TRHDE: variants seen among roughly 807,000 people sequenced by gnomAD.
TRHDE encodes the protein thyrotropin releasing hormone degrading enzyme.
In TRHDE, 72 loss-of-function variants were observed where a neutral mutation model predicts 125.7. That is an observed-to-expected ratio of 0.57 (90% confidence interval 0.47 to 0.70). The LOEUF is 0.70. Among genes scored for constraint, TRHDE ranks in the 30% least tolerant of loss-of-function variants. The pLI, the probability that TRHDE is intolerant of heterozygous loss-of-function variation, is 0.00. For synonymous variants in TRHDE, 509 were observed against 509.1 expected (o/e 1.00, Z 0.00); for missense variants, 1,110 against 1,327.1 (o/e 0.84, Z 2.54).
intron 2 of TRHDE, among the ~76,000 whole-genome samples, chr12:72,134,411 T>G (rs563427956): frequency 6.6e-6 from 1 of 152,244 alleles, no homozygotes; most frequent in East Asian, 1.9e-4. Flanking sequence ...AAGAATGAGA[T>G]ACATGGAAAA....
At chr12:72,317,129 A>G (rs1868841317) in intron 2 of TRHDE, among the ~76,000 whole-genome samples, 1 of 152,148 alleles carries the variant, frequency 6.6e-6, no homozygotes, top group African/African-American at 2.4e-5. Flanking sequence ...ACAGTCTTAG[A>G]AAGTTAAAAT....
intron 15 of TRHDE, among the ~76,000 whole-genome samples, chr12:72,635,785 T>G (rs1422201097): frequency 6.6e-6 from 1 of 152,134 alleles, no homozygotes; most frequent in Non-Finnish European, 1.5e-5. Flanking sequence ...CTTGTTTTTC[T>G]CAGGTTTGTC....
At chr12:72,163,974 G>T (rs1354573452) in intron 2 of TRHDE, among the ~76,000 whole-genome samples, 1 of 152,096 alleles carries the variant, frequency 6.6e-6, no homozygotes, top group African/African-American at 2.4e-5. Flanking sequence ...AGCTGGGTGT[G>T]GTGGCACATA....
At chr12:72,598,770 TTTGTTAAATGAGTATG>T (rs1399732332) in intron 12 of TRHDE, among the ~76,000 whole-genome samples, 2 of 152,118 alleles carry the variant, frequency 1.3e-5, no homozygotes, top group East Asian at 3.9e-4. Flanking sequence ...CATGTGCAGT[TTTGTTAAATGAGTATG>T]TTGTGTGATG....
chr12:72,215,033 C>G (rs946265510), intron 2 of TRHDE, among the ~76,000 whole-genome samples: 3 of 152,068 alleles, frequency 2.0e-5, no homozygotes, highest in Non-Finnish European at 4.4e-5. Flanking sequence ...GAAGAGACCA[C>G]GAAACAGGCT....
intron 5 of TRHDE, among the ~76,000 whole-genome samples, chr12:72,496,814 T>C (rs1046549170): frequency 1.3e-5 from 2 of 152,110 alleles, no homozygotes; most frequent in Admixed American, 1.3e-4. Context: ...CTTGCTGATA[T>C]TGTTGATTTT....
chr12:72,244,739 C>T (rs73135500), intron 2 of TRHDE, among the ~76,000 whole-genome samples: 10,392 of 151,830 alleles, frequency 0.068, 445 homozygotes, highest in Admixed American at 0.11. Context: ...ACATTAAAAT[C>T]AAATTCTTTG....
chr12:72,219,295 G>T (rs1877957461), intron 2 of TRHDE, among the ~76,000 whole-genome samples: 1 of 151,984 alleles, frequency 6.6e-6, no homozygotes, highest in Non-Finnish European at 1.5e-5. Context: ...ATAGCTGCTT[G>T]AAGTTTTGGA....
intron 2 of TRHDE, among the ~76,000 whole-genome samples, chr12:72,247,317 A>G (rs572800490): frequency 1.4e-4 from 21 of 152,308 alleles, no homozygotes; most frequent in Non-Finnish European, 2.1e-4. Flanking sequence ...GGTTTAATCC[A>G]TGGATGTGGA....
chr12:72,581,564 G>A (rs962813107), intron 12 of TRHDE, among the ~76,000 whole-genome samples: 4 of 152,024 alleles, frequency 2.6e-5, no homozygotes, highest in Admixed American at 6.6e-5. Context: ...TGCAAAACAC[G>A]TGCATATCTA....
chr12:72,603,759 C>CA (rs1168313539), intron 12 of TRHDE, among the ~76,000 whole-genome samples: 48 of 144,104 alleles, frequency 3.3e-4, no homozygotes, highest in African/African-American at 1.3e-4. Flanking sequence ...AAAACAACAA[C>CA]AACAACAAAA....
chr12:72,185,448 G>A (rs1877186407), intron 2 of TRHDE, among the ~76,000 whole-genome samples: 1 of 152,272 alleles, frequency 6.6e-6, no homozygotes, highest in African/African-American at 2.4e-5. Flanking sequence ...GCGCAGGACT[G>A]GCAGGCAGCT....
intron 2 of TRHDE, chr12:72,163,231 C>G (rs533640028): frequency 6.6e-6 from 1 of 152,316 alleles, no homozygotes; most frequent in South Asian, 2.1e-4. Context: ...TATGCATACC[C>G]TTGAACCTTA....
intron 2 of TRHDE, among the ~76,000 whole-genome samples, chr12:72,196,302 A>G (rs1592479084): frequency 6.6e-6 from 1 of 152,234 alleles, no homozygotes; most frequent in South Asian, 2.1e-4. Flanking sequence ...GAACTTGTAG[A>G]TTATTTTGGG....
At position 72,619,054 on chromosome 12, in the gene TRHDE, TTTTC is replaced by T. The variant is rs777994460; in HGVS notation, c.2469+22_2469+25del. 2.3e-5 allele frequency: 35 copies of T among 1,523,958 alleles called. No homozygotes were observed. The highest frequency in any genetic ancestry group is 2.9e-5 in the Non-Finnish European group (33 of 1,136,556). The allele number at this position is 1,523,958 out of a possible 1,614,324, so 94.4% of individuals were successfully genotyped here. A position where few individuals can be genotyped will look rare whatever the true frequency, so the allele number is the denominator to read the frequency against. On this transcript the variant is annotated intron_variant, in intron 13 of 18. Transcript: ENST00000261180. ...CATTTTCAATGTAAAAAGATATAAT[TTTTC>T]TTTCTAATTTTTAGAAGATACACTA...
intron 7 of TRHDE, among the ~76,000 whole-genome samples, chr12:72,547,328 A>G (rs916280159): frequency 3.3e-5 from 5 of 151,748 alleles, no homozygotes; most frequent in African/African-American, 1.2e-4. Flanking sequence ...CAAATCAACA[A>G]TTACCACATT....
At chr12:72,119,847 A>G (rs913303728) in intron 2 of TRHDE, among the ~76,000 whole-genome samples, 20 of 151,530 alleles carry the variant, frequency 1.3e-4, no homozygotes, top group South Asian at 2.1e-4. Context: ...AGCTACTTCT[A>G]CTCCTTTTTG....
intron 12 of TRHDE, among the ~76,000 whole-genome samples, chr12:72,598,121 A>ATGGTTTAT (rs1872056083): frequency 6.6e-6 from 1 of 152,088 alleles, no homozygotes; most frequent in South Asian, 2.1e-4. Context: ...AAAAACTCAA[A>ATGGTTTAT]TGGTTTATAG....
At chr12:72,384,115 A>G (rs1007637171) in intron 3 of TRHDE, among the ~76,000 whole-genome samples, 1 of 152,220 alleles carries the variant, frequency 6.6e-6, no homozygotes, top group African/African-American at 2.4e-5. Context: ...TAGGCATCAG[A>G]TAAAATGACT....
Sources: allele counts gnomAD v4.1 joint callset (sites outside exome capture counted in the v4.1 genomes callset), GRCh38; gene constraint gnomAD v4.1.1; transcripts MANE v1.5; gene names NCBI Gene and HGNC (gene_info 2026-07-23, HGNC 2026-07-21).